UBR2: variants seen among roughly 807,000 people sequenced by gnomAD.
UBR2 encodes E3 ubiquitin-protein ligase UBR2.
In UBR2, 92 loss-of-function variants were observed where a neutral mutation model predicts 247.9. That is an observed-to-expected ratio of 0.37 (90% CI 0.31 to 0.44). The LOEUF (loss-of-function observed/expected upper bound fraction) is 0.44, where lower values mean the gene tolerates loss of function less well. Among genes scored for constraint, UBR2 ranks in the 20% least tolerant of loss-of-function variants. UBR2 has a pLI of 1.00. For missense variants in UBR2, 1,613 were observed against 2,112.6 expected (o/e 0.76, Z 4.64); for synonymous variants, 672 against 693.5 (o/e 0.97, Z 0.49).
At chr6:42,673,928 C>A (rs1798578921) in intron 37 of UBR2, 41 bp downstream of exon 37, 3 of 1,538,892 alleles carry the variant, frequency 1.9e-6, no homozygotes, top group Admixed American at 3.6e-5. Flanking sequence ...AATTTTTCAT[C>A]CTCTGAAATT....
Position 42,692,363 on chromosome 6 carries a change from C to T in UBR2, c.*1190C>T, listed in dbSNP as rs45548031. The T allele has an allele frequency of 6.6e-5, 10 of 152,170 alleles. No individual in the cohort carries two copies. Among genetic ancestry groups the T allele is most frequent in the African/African-American group, 2.4e-4 (10 of 41,452 alleles). The allele number at this position is 152,170 out of a possible 1,614,324, so 9.4% of individuals were successfully genotyped here. On this transcript the variant is annotated 3_prime_UTR_variant, in exon 47 of 47. Transcript: ENST00000372901. Reference sequence around the variant, plus strand: ...TTAGTGCATTCCTGGGATGGTCTGGCACCCAGGCTTTTTATTCTTTTTGAT... The same window carrying T: ...TTAGTGCATTCCTGGGATGGTCTGGTACCCAGGCTTTTTATTCTTTTTGAT...
chr6:42,570,623 A>G (rs1209658154), intron 1 of UBR2, among the ~76,000 whole-genome samples: 1 of 152,134 alleles, frequency 6.6e-6, no homozygotes, highest in Non-Finnish European at 1.5e-5. Flanking sequence ...TGTAATAAAG[A>G]GTGAAATACT....
chr6:42,687,169 C>T (rs913275748), intron 44 of UBR2, among the ~76,000 whole-genome samples: 80 of 152,262 alleles, frequency 5.3e-4, no homozygotes, highest in Non-Finnish European at 9.4e-4. Context: ...GCCGAGATCG[C>T]GCCACTGCAC....
intron 4 of UBR2, among the ~76,000 whole-genome samples, chr6:42,595,248 A>G (rs1582480115): frequency 6.6e-6 from 1 of 152,054 alleles, no homozygotes; most frequent in Non-Finnish European, 1.5e-5. Flanking sequence ...GAACATTAGA[A>G]CTCATTCTTT....
At chr6:42,614,415 C>CGTACATACATACGTATATAAGTAT (rs1554250447) in intron 8 of UBR2, among the ~76,000 whole-genome samples, 2 of 89,184 alleles carry the variant, frequency 2.2e-5, no homozygotes, top group Non-Finnish European at 2.2e-5. Flanking sequence ...TATGTATGTA[C>CGTACATACATACGTATATAAGTAT]GTACGTACAT....
At chr6:42,630,629 G>A (rs1417498030) in intron 11 of UBR2, among the ~76,000 whole-genome samples, 3 of 151,936 alleles carry the variant, frequency 2.0e-5, no homozygotes, top group Admixed American at 6.6e-5. Flanking sequence ...TAACAATATC[G>A]TCTCTCCACC....
intron 14 of UBR2, among the ~76,000 whole-genome samples, chr6:42,636,379 G>A (rs546502728): frequency 3.3e-5 from 5 of 151,848 alleles, no homozygotes; most frequent in African/African-American, 9.7e-5. Flanking sequence ...GGGCTTCGCC[G>A]TGTTACCCAG....
intron 11 of UBR2, among the ~76,000 whole-genome samples, chr6:42,624,121 TTTTG>T (rs923790035): frequency 3.2e-4 from 48 of 148,670 alleles, no homozygotes; most frequent in African/African-American, 8.5e-4. Context: ...ATTGCTCTTT[TTTTG>T]TTTGTTTGTT....
rs752583497 is a variant in UBR2 at position 42,605,857 on chromosome 6, G to C, written c.799G>C (p.Asp267His). 2 of 1,601,266 alleles carry C rather than the reference G, an allele frequency of 1.2e-6. No individual in the cohort carries two copies. The highest frequency in any genetic ancestry group is 2.3e-5 in the South Asian group (2 of 87,886). The change falls in exon 6 of 47, where the codon GAT becomes CAT. Residue 267 changes from aspartate (D) to histidine (H), a missense_variant and splice_region_variant. Transcript: ENST00000372901. Reference protein sequence around the residue: ...AIGFATTVDRDGRRSVRYGDF... With the variant: ...AIGFATTVDRHGRRSVRYGDF... ...TGGTTTTGCAACTACAGTAGATCGA[G>C]ATGTAAGTAATTTTACCATGTTGAT...
chr6:42,678,511 T>C (rs769976323), intron 40 of UBR2, 28 bp from the exon 41 acceptor site: 11 of 1,596,624 alleles, frequency 6.9e-6, no homozygotes, highest in Non-Finnish European at 9.4e-6. Context: ...TTAGTAGATT[T>C]CCCAATAATC....
In UBR2 at chr6:42,670,107, G is replaced by T; in HGVS notation, c.3897G>T (p.Glu1299Asp). 6.2e-7 allele frequency: 1 copy of T among 1,614,044 alleles called. No homozygotes were observed. Among genetic ancestry groups the T allele is most frequent in the South Asian group, 1.1e-5 (1 of 91,058 alleles). ...TTTACTTCAGGATCCCTTATTCTGAGAGCATAAAAGAAATGCTAACGACAT... is the reference window on the plus strand; with the variant it reads ...TTTACTTCAGGATCCCTTATTCTGATAGCATAAAAGAAATGCTAACGACAT... ...PDFRPKIPYS[E>D]SIKEMLTTFG... The change falls in exon 35 of 47, where the codon GAG becomes GAT. Residue 1299 changes from glutamate to aspartate, a missense_variant. Coordinates refer to ENST00000372901, the MANE Select transcript of UBR2 (RefSeq NM_001363705.2).
intron 36 of UBR2, among the ~76,000 whole-genome samples, chr6:42,671,518 C>CT (rs1007183427): frequency 3.3e-5 from 5 of 152,184 alleles, no homozygotes; most frequent in African/African-American, 1.2e-4. Context: ...ACTTCTAACA[C>CT]TTTCTGACTT....
At chr6:42,615,254 G>A in intron 9 of UBR2, 76 bp downstream of exon 9, 2 of 1,137,724 alleles carry the variant, frequency 1.8e-6, no homozygotes, top group South Asian at 1.7e-5. Context: ...TTTATCATTT[G>A]GGAAGATATT....
chr6:42,594,161 T>C (rs373996695), intron 3 of UBR2, 30 bp from the exon 4 acceptor site: 56 of 1,527,046 alleles, frequency 3.7e-5, no homozygotes, highest in Non-Finnish European at 4.9e-5. Flanking sequence ...AAATATTTAT[T>C]GACAAGATAC....
At chr6:42,624,683 A>G (rs1007142345) in intron 11 of UBR2, among the ~76,000 whole-genome samples, 1 of 152,066 alleles carries the variant, frequency 6.6e-6, no homozygotes, top group Admixed American at 6.6e-5. Flanking sequence ...TGATTGGTTG[A>G]GGAGAGCATC....
chr6:42,676,001 T>C, intron 38 of UBR2, 55 bp from the exon 39 acceptor site: 1 of 1,511,168 alleles, frequency 6.6e-7, no homozygotes, highest in Non-Finnish European at 8.8e-7. Context: ...GATGGAAATT[T>C]GCTTAGCTGT....
chr6:42,583,223 T>C (rs1437141848), intron 2 of UBR2, among the ~76,000 whole-genome samples: 2 of 152,172 alleles, frequency 1.3e-5, no homozygotes, highest in African/African-American at 4.8e-5. Flanking sequence ...ATGGCAAAAA[T>C]AGTTTCTGTG....
rs1184736550 is a variant in UBR2, at chr6:42,640,396, G to A, written c.1920+126G>A. 7.7e-3 allele frequency: 797 copies of A among 103,060 alleles called. 15 individuals are homozygous for A. The highest frequency in any genetic ancestry group is 0.033 in the South Asian group (385 of 11,830). 6.4% of individuals were successfully genotyped at this position (103,060 alleles called of 1,614,324 possible). A position where few individuals can be genotyped will look rare whatever the true frequency, so the allele number is the denominator to read the frequency against. ...CAGAACCAGTAAGGTGTGTGTGTGT[G>A]TGTGTGTGTGTGTGTGTGTGTGTGT... On this transcript the variant is annotated intron_variant, in intron 16 of 46. Coordinates refer to ENST00000372901, the MANE Select transcript of UBR2 (RefSeq NM_001363705.2).
chr6:42,657,842 TG>T (rs2151971748), intron 26 of UBR2, among the ~76,000 whole-genome samples, 181 bp from the exon 27 acceptor site: 1 of 152,338 alleles, frequency 6.6e-6, no homozygotes, highest in East Asian at 1.9e-4. Context: ...GTTGGCAACT[TG>T]TTTGTAAAAG....
Sources: gnomAD v4.1 joint callset for allele counts (sites outside exome capture counted in the v4.1 genomes callset) on GRCh38, gnomAD v4.1.1 for gene constraint, MANE v1.5 for transcripts, NCBI Gene and HGNC (gene_info 2026-07-23, HGNC 2026-07-21) for gene names.